Variants in ZFHX3 observed in about 807,000 individuals in gnomAD.
The protein encoded by ZFHX3 is zinc finger homeobox 3.
A neutral mutation model predicts 279.1 loss-of-function variants in ZFHX3; 42 were observed. That is an observed-to-expected ratio of 0.15 (90% confidence interval 0.12 to 0.19). The LOEUF is 0.19. ZFHX3 is among the 10% of genes least tolerant of loss of function. The pLI, the probability that ZFHX3 is intolerant of heterozygous loss-of-function variation, is 1.00. For missense variants in ZFHX3, 4,981 were observed against 4,754.0 expected (o/e 1.05, Z -1.40); for synonymous variants, 2,293 against 1,957.8 (o/e 1.17, Z -4.52).
chr16:73,429,905 C>A, intron 3 of ZFHX3, among the ~76,000 whole-genome samples: 1 of 151,456 alleles, frequency 6.6e-6, no homozygotes, highest in East Asian at 2.0e-4. Context: ...TCTGTTGGTT[C>A]GAGACAGGGC....
chr16:73,070,931 C>A (rs1374692976), intron 8 of ZFHX3, among the ~76,000 whole-genome samples: 2 of 26,900 alleles, frequency 7.4e-5, no homozygotes, highest in African/African-American at 8.8e-5. Flanking sequence ...CGCGCGCGCG[C>A]GCGCGCGCAC....
chr16:73,011,716 A>C (rs9925403), intron 1 of ZFHX3, among the ~76,000 whole-genome samples: 38,593 of 151,452 alleles, frequency 0.25, 5,754 homozygotes, highest in East Asian at 0.69. Flanking sequence ...AGCAAGACTC[A>C]ATCTCAAGGA....
chr16:73,699,194 C>G (rs1263105713), intron 1 of ZFHX3, among the ~76,000 whole-genome samples: 1 of 152,088 alleles, frequency 6.6e-6, no homozygotes, highest in African/African-American at 2.4e-5. Flanking sequence ...ATGTCAATTT[C>G]TTAGTTTTGG....
chr16:73,545,260 T>G (rs16972167), intron 2 of ZFHX3, among the ~76,000 whole-genome samples: 6,756 of 152,224 alleles, frequency 0.044, 429 homozygotes, highest in Admixed American at 0.14. Context: ...AATCACGGGC[T>G]CTTTCTCCCA....
chr16:73,349,076 G>C (rs1279684427), intron 3 of ZFHX3, among the ~76,000 whole-genome samples: 1 of 152,200 alleles, frequency 6.6e-6, no homozygotes, highest in Non-Finnish European at 1.5e-5. Flanking sequence ...GATCAAAACA[G>C]AACAGATTCC....
At chr16:73,726,199 T>G (rs1370069606) in intron 1 of ZFHX3, among the ~76,000 whole-genome samples, 1 of 152,166 alleles carries the variant, frequency 6.6e-6, no homozygotes, top group Non-Finnish European at 1.5e-5. Flanking sequence ...ATAGAAACCC[T>G]CACATAAGTG....
At position 72,794,434 on chromosome 16, in the gene ZFHX3, T is replaced by C. The variant is rs762670702; in HGVS notation, c.8248A>G (p.Met2750Val). Reference sequence around the variant, plus strand: ...AGTCCCCCATCACAGTCTAAGAGCATCGCAGACAGAGTTAGGTTGTAGCCA... The same window carrying C: ...AGTCCCCCATCACAGTCTAAGAGCACCGCAGACAGAGTTAGGTTGTAGCCA... ...RAGYNLTLSA[M>V]LLDCDGGLQM... Residue 2750 changes from methionine to valine, a missense_variant, in exon 9 of 10, where the codon ATG becomes GTG. Transcript: ENST00000268489. This position sits in a 1 kb window ranked among gnomAD's most constrained non-coding sequence, Gnocchi z 4.2. The C allele has an allele frequency of 2.3e-5, 37 of 1,613,664 alleles. No individual in the cohort carries two copies. The highest frequency in any genetic ancestry group is 3.3e-4 in the Middle Eastern group (2 of 6,082).
chr16:73,860,828 G>C (rs1961862558), intron 1 of ZFHX3, among the ~76,000 whole-genome samples: 1 of 152,058 alleles, frequency 6.6e-6, no homozygotes, highest in Non-Finnish European at 1.5e-5. Context: ...TCAACAACAA[G>C]TGTCAGGGGC....
chr16:73,579,763 A>T lies in ZFHX3; in HGVS notation c.-1547+100417T>A, dbSNP rs2051838452. Among the ~76,000 whole-genome samples the T allele has an allele frequency of 2.7e-5, 4 of 149,258 alleles. No individual in the cohort carries two copies. The South Asian group carries it at 8.4e-4, about 31-fold the overall frequency. ...GTGATCCACCCGCCCCAGCCTCCCA[A>T]AGTGTATAAATTTTAATTATAAAAA... On this transcript the variant is annotated intron_variant, in intron 2 of 17. Transcript: ENST00000641206.
At chr16:72,955,185 G>T (rs1961194706) in intron 2 of ZFHX3, among the ~76,000 whole-genome samples, 1 of 152,176 alleles carries the variant, frequency 6.6e-6, no homozygotes, top group Admixed American at 6.5e-5. Flanking sequence ...GCCCAAGGAA[G>T]GCACAGGTTT....
chr16:72,839,859 A>G (rs1316133220), intron 4 of ZFHX3, among the ~76,000 whole-genome samples: 2 of 152,132 alleles, frequency 1.3e-5, no homozygotes, highest in Non-Finnish European at 2.9e-5. Flanking sequence ...ACATTTTTCA[A>G]CAGAGCAGAC....
intron 6 of ZFHX3, among the ~76,000 whole-genome samples, chr16:73,138,739 G>A (rs1327975637): frequency 6.6e-6 from 1 of 152,126 alleles, no homozygotes; most frequent in Non-Finnish European, 1.5e-5. Flanking sequence ...CCAGGCTGGA[G>A]TGCAGTGGCA....
intron 2 of ZFHX3, among the ~76,000 whole-genome samples, chr16:73,580,708 C>T (rs1288047462): frequency 1.3e-5 from 2 of 151,670 alleles, no homozygotes; most frequent in Non-Finnish European, 2.9e-5. Flanking sequence ...TGCTTTCTCT[C>T]TCTGTCTCTC....
intron 3 of ZFHX3, among the ~76,000 whole-genome samples, chr16:73,376,048 C>T (rs1354859128): frequency 6.6e-6 from 1 of 152,204 alleles, no homozygotes; most frequent in Non-Finnish European, 1.5e-5. Flanking sequence ...AAGGTATATT[C>T]AGAGAAGTCT....
At chr16:73,360,309 A>G (rs2016414745) in intron 3 of ZFHX3, among the ~76,000 whole-genome samples, 1 of 152,202 alleles carries the variant, frequency 6.6e-6, no homozygotes, top group Non-Finnish European at 1.5e-5. Context: ...TACACAGCAT[A>G]AAGCCGAGAT....
chr16:73,593,345 TC>T (rs1555526910), intron 2 of ZFHX3, among the ~76,000 whole-genome samples: 1 of 151,864 alleles, frequency 6.6e-6, no homozygotes, highest in Non-Finnish European at 1.5e-5. Flanking sequence ...AAAACATCAA[TC>T]AAAAAATAGG....
intron 2 of ZFHX3, among the ~76,000 whole-genome samples, chr16:73,555,477 C>T (rs1401890823): frequency 6.6e-6 from 1 of 151,154 alleles, no homozygotes; most frequent in African/African-American, 2.4e-5. Context: ...TTTTAAGAGG[C>T]TCTCTGCCCC....
At chr16:73,156,978 C>T (rs900175159) in intron 5 of ZFHX3, among the ~76,000 whole-genome samples, 2 of 152,038 alleles carry the variant, frequency 1.3e-5, no homozygotes, top group South Asian at 4.4e-4. Flanking sequence ...TCCCAAAGTG[C>T]TTGGATTGCA....
At position 72,837,600 on chromosome 16, in the gene ZFHX3, G is replaced by A. The variant is rs575812835; in HGVS notation, c.3449-7741C>T. ...CTCAAGCGATCCTCCTGAGTAGCTTGGACTACAGGCACATGCCACCACGCC... is the reference window on the plus strand; with the variant it reads ...CTCAAGCGATCCTCCTGAGTAGCTTAGACTACAGGCACATGCCACCACGCC... On this transcript the variant is annotated intron_variant, in intron 4 of 9. Coordinates refer to ENST00000268489, the MANE Select transcript of ZFHX3 (RefSeq NM_006885.4). Among the ~76,000 whole-genome samples, 4 of 147,128 alleles carry A rather than the reference G, an allele frequency of 2.7e-5. No individual in the cohort carries two copies. In the South Asian group the frequency reaches 8.4e-4, roughly 31 times the overall value.
Sources: gnomAD v4.1 joint callset for allele counts (sites outside exome capture counted in the v4.1 genomes callset) on GRCh38, gnomAD v4.1.1 for gene constraint, Gnocchi (gnomAD v3.1) non-coding constraint, MANE v1.5 for transcripts, NCBI Gene and HGNC (gene_info 2026-07-23, HGNC 2026-07-21) for gene names.